CHD7: variants seen among roughly 807,000 people sequenced by gnomAD.
CHD7 encodes the protein chromodomain helicase DNA binding protein 7.
In CHD7, 24 loss-of-function variants were observed where a neutral mutation model predicts 307.3. The ratio of observed to expected loss-of-function variants is 0.08; its 90% CI spans 0.06 to 0.11. The LOEUF (loss-of-function observed/expected upper bound fraction) is 0.11. Among genes scored for constraint, CHD7 ranks in the 10% least tolerant of loss-of-function variants. The pLI is 1.00. For synonymous variants in CHD7, 1,363 were observed against 1,349.9 expected, an observed-to-expected ratio of 1.01 and a Z score of -0.21; for missense variants, 3,106 against 3,727.1, an observed-to-expected ratio of 0.83 and a Z score of 4.34.
intron 3 of CHD7, among the ~76,000 whole-genome samples, chr8:60,794,402 C>T (rs762946166): frequency 1.3e-5 from 2 of 152,076 alleles, no homozygotes; most frequent in African/African-American, 2.4e-5. Context: ...TCAAAAAACA[C>T]GTAGCACCAA....
chr8:60,768,559 A>G (rs1185186696), intron 2 of CHD7, among the ~76,000 whole-genome samples: 1 of 152,146 alleles, frequency 6.6e-6, no homozygotes, highest in Non-Finnish European at 1.5e-5. Flanking sequence ...AACTTGTATT[A>G]GTTTGGTCCT....
intron 13 of CHD7, among the ~76,000 whole-genome samples, chr8:60,827,427 C>G (rs995255214): frequency 6.6e-6 from 1 of 152,000 alleles, no homozygotes. Flanking sequence ...TCAACTACTG[C>G]AGTAACTCTT....
intron 8 of CHD7, among the ~76,000 whole-genome samples, chr8:60,817,505 A>G (rs964912711): frequency 3.3e-5 from 5 of 152,170 alleles, no homozygotes; most frequent in African/African-American, 9.7e-5. Context: ...TCCGCATTCA[A>G]TGGGAGATCA....
chr8:60,682,465 C>T (rs1805679063), intron 1 of CHD7, among the ~76,000 whole-genome samples: 1 of 152,162 alleles, frequency 6.6e-6, no homozygotes, highest in Non-Finnish European at 1.5e-5. Flanking sequence ...TGTGTGCCTG[C>T]TGTGTAACCC....
chr8:60,833,506 A>G (rs1804614160), intron 15 of CHD7, among the ~76,000 whole-genome samples: 1 of 152,226 alleles, frequency 6.6e-6, no homozygotes, highest in South Asian at 2.1e-4. Context: ...GAGAGAAAAT[A>G]GTAACTTTTT....
At chr8:60,718,339 G>A (rs1259649420) in intron 1 of CHD7, among the ~76,000 whole-genome samples, 1 of 152,162 alleles carries the variant, frequency 6.6e-6, no homozygotes, top group Non-Finnish European at 1.5e-5. Context: ...TTAGCTGGGT[G>A]TGGTGGCAGG....
chr8:60,722,613 C>T (rs1246913449), intron 1 of CHD7, among the ~76,000 whole-genome samples: 2 of 152,170 alleles, frequency 1.3e-5, no homozygotes, highest in Non-Finnish European at 2.9e-5. Flanking sequence ...TTAATATCAA[C>T]ATAAATCCAG....
chr8:60,849,186 A>G (rs770089309), intron 25 of CHD7, 32 bp downstream of exon 25: 3 of 1,350,170 alleles, frequency 2.2e-6, no homozygotes, highest in South Asian at 1.2e-5. Flanking sequence ...ATACATCTCA[A>G]CTGTATGGCT....
chr8:60,838,035 T>G (rs943296778), intron 18 of CHD7, 41 bp from the exon 19 acceptor site: 15 of 1,400,898 alleles, frequency 1.1e-5, no homozygotes, highest in Non-Finnish European at 1.4e-5. Context: ...ACCTCTTAAT[T>G]TTAAATTATT....
chr8:60,694,844 G>A (rs1008874355), intron 1 of CHD7, among the ~76,000 whole-genome samples: 16 of 152,240 alleles, frequency 1.1e-4, no homozygotes, highest in Admixed American at 3.3e-4. Flanking sequence ...TTGAGCAGTG[G>A]TGAAATTGGA....
In CHD7 at chr8:60,853,363, C is replaced by G; in HGVS notation, c.6638C>G (p.Ser2213Cys). ...CAGGAATGTGAGGCAGAGGCCAGCTCTGTGAAAAATGAACTGAAAGGTGTT... is the reference window on the plus strand; with the variant it reads ...CAGGAATGTGAGGCAGAGGCCAGCTGTGTGAAAAATGAACTGAAAGGTGTT... The part of the protein sequence containing the change: ...SKQECEAEAS[S>C]VKNELKGVEV... Residue 2213 changes from serine to cysteine, a missense_variant, in exon 31 of 38, where the codon TCT becomes TGT. Ser to Cys is a moderately radical substitution (Grantham distance 112). Around this residue, in one of 10 missense-constraint regions of CHD7, gnomAD observed 1,030 missense variants for 1,165.4 expected, o/e 0.88. Coordinates refer to ENST00000423902, the MANE Select transcript of CHD7 (RefSeq NM_017780.4). The G allele has an allele frequency of 6.4e-7, 1 of 1,561,390 alleles. No individual in the cohort carries two copies. The highest frequency in any genetic ancestry group is 8.6e-7 in the Non-Finnish European group (1 of 1,156,938).
Position 60,852,984 on chromosome 8 carries a change from C to A in CHD7, c.6259C>A (p.Leu2087Met). ...TAAGCTCTGCCAGCCAAGCTTGGAT[C>A]TGCCAGAGTGGTGGGAGTGTGGACG... ...RLKLCQPSLD[L>M]PEWWECGRHD... is the part of the protein sequence containing the mutation. The change falls in exon 31 of 38, where the codon CTG becomes ATG. Residue 2087 changes from leucine to methionine, a missense_variant. Physicochemically the swap from Leu to Met is conservative, Grantham distance 15. Coordinates refer to ENST00000423902, the MANE Select transcript of CHD7 (RefSeq NM_017780.4). The A allele has an allele frequency of 1.2e-6, 2 of 1,614,020 alleles. No individual in the cohort carries two copies. The highest frequency in any genetic ancestry group is 2.7e-5 in the African/African-American group (2 of 75,060).
rs570006230 is a variant in CHD7 at position 60,848,489 on chromosome 8, T to C, written c.5211-26T>C. On this transcript the variant is annotated intron_variant, in intron 23 of 37. Coordinates refer to ENST00000423902, the MANE Select transcript of CHD7 (RefSeq NM_017780.4). ...CAAACAGTCCTGAAGTTAAGAACTTTTTCCCCCCTCTGTCTTCCTCTCCAG... is the reference window on the plus strand; with the variant it reads ...CAAACAGTCCTGAAGTTAAGAACTTCTTCCCCCCTCTGTCTTCCTCTCCAG... The C allele has an allele frequency of 2.6e-4, 415 of 1,578,564 alleles. 2 individuals carry two copies. The East Asian group carries it at 7.5e-3, about 28-fold the overall frequency.
At chr8:60,837,897 G>A in intron 18 of CHD7, 62 bp downstream of exon 18, 6 of 1,465,670 alleles carry the variant, frequency 4.1e-6, no homozygotes, top group Non-Finnish European at 4.6e-6. Flanking sequence ...TTAACTAATA[G>A]TAAGAAATTA....
In CHD7 at chr8:60,765,070, G is replaced by A. The variant is rs145762274; in HGVS notation, c.1666-15930G>A. Among the ~76,000 whole-genome samples, 565 of 152,300 alleles carry A rather than the reference G, an allele frequency of 3.7e-3. 2 individuals are homozygous for A. Among genetic ancestry groups the A allele is most frequent in the Non-Finnish European group, 4.5e-3 (306 of 68,022 alleles). ...TTCAAGAGCAGAGAGCACATGAGCA[G>A]CTGCAGTACCCAGACTGAGGAGATG... On this transcript the variant is annotated intron_variant, in intron 2 of 37. Transcript: ENST00000423902.
At position 60,694,158 on chromosome 8, in the gene CHD7, G is replaced by C. The variant is rs144531175; in HGVS notation, c.-175+15076G>C. Among the ~76,000 whole-genome samples, 34 of 152,354 alleles carry C rather than the reference G, an allele frequency of 2.2e-4. No homozygotes were observed. The East Asian group carries it at 6.4e-3, about 28-fold the overall frequency. ...AGAGCGAATGGCAATTTCGGTGTGAGGCTTATAACAGAATCTTTTTGGCTT... is the reference window on the plus strand; with the variant it reads ...AGAGCGAATGGCAATTTCGGTGTGACGCTTATAACAGAATCTTTTTGGCTT... On this transcript the variant is annotated intron_variant, in intron 1 of 37. Coordinates refer to ENST00000423902, the MANE Select transcript of CHD7 (RefSeq NM_017780.4).
intron 1 of CHD7, among the ~76,000 whole-genome samples, chr8:60,732,827 A>G (rs1808518789): frequency 6.6e-6 from 1 of 152,008 alleles, no homozygotes; most frequent in Non-Finnish European, 1.5e-5. Context: ...CTGAAATTTA[A>G]TTTTTTTCCT....
intron 3 of CHD7, among the ~76,000 whole-genome samples, chr8:60,789,765 C>G (rs1811678959): frequency 6.6e-6 from 1 of 152,200 alleles, no homozygotes; most frequent in Non-Finnish European, 1.5e-5. Context: ...CCATCCAACC[C>G]CATTTCAGGT....
intron 4 of CHD7, among the ~76,000 whole-genome samples, chr8:60,796,912 TTAAC>T (rs922105633): frequency 4.6e-5 from 7 of 152,354 alleles, no homozygotes; most frequent in African/African-American, 1.4e-4. Flanking sequence ...TCATATAATT[TTAAC>T]TAACTCAAAA....
Sources: allele counts gnomAD v4.1 joint callset (sites outside exome capture counted in the v4.1 genomes callset), GRCh38; gene constraint gnomAD v4.1.1; regional missense constraint gnomAD v4.1.1; transcripts MANE v1.5; gene names NCBI Gene and HGNC (gene_info 2026-07-23, HGNC 2026-07-21).